The following RGS6 variants were observed in gnomAD, a reference collection of about 807,000 sequenced individuals.
The protein encoded by RGS6 is regulator of G protein signaling 6.
RGS6 carries 30 observed loss-of-function variants against 78.5 expected under a neutral mutation model. The ratio of observed to expected loss-of-function variants is 0.38; its 90% CI spans 0.29 to 0.52. RGS6 has a LOEUF of 0.52. Ranked by LOEUF, RGS6 falls within the 20% of genes least tolerant of loss-of-function variation. The pLI, the probability that RGS6 is intolerant of heterozygous loss-of-function variation, is 0.85. For synonymous variants in RGS6, 206 were observed against 206.0 expected (o/e 1.00, Z 0.00); for missense variants, 495 against 609.7 (o/e 0.81, Z 1.98).
At chr14:72,135,629 CT>C (rs1368076154) in intron 2 of RGS6, among the ~76,000 whole-genome samples, 1 of 150,390 alleles carries the variant, frequency 6.6e-6, no homozygotes, top group African/African-American at 2.4e-5. Context: ...TTTTTTTTTC[CT>C]GCTAAACTTC....
At chr14:72,579,066 T>C in the RGS6 span, among the ~76,000 whole-genome samples, 2 of 152,216 alleles carry the variant, frequency 1.3e-5, no homozygotes, top group African/African-American at 4.8e-5. Context: ...CTACTCCTTC[T>C]ACTCTACTCC....
rs1252850601 is a variant in RGS6, at chr14:72,138,455, T to TG, written c.84+173580_84+173581insG. Among the ~76,000 whole-genome samples, 5 of 149,558 alleles carry TG rather than the reference T, an allele frequency of 3.3e-5. No homozygotes were observed. In the South Asian group the frequency reaches 1.1e-3, roughly 32 times the overall value. On this transcript the variant is annotated intron_variant, in intron 2 of 17. Transcript: ENST00000553525. ...CTGTAGTGCACCTGTACCTGTTTTT[T>TG]TTTTTTTTTTTTTTTTTTTACTTTC...
intron 2 of RGS6, chr14:71,991,023 T>TA: frequency 1.1e-5 from 4 of 358,926 alleles, no homozygotes; most frequent in Admixed American, 3.8e-5. Flanking sequence ...CAATGCCATG[T>TA]AAAAAAAGAT....
intron 17 of RGS6, among the ~76,000 whole-genome samples, chr14:72,559,578 C>A (rs983325039): frequency 6.6e-6 from 1 of 152,146 alleles, no homozygotes; most frequent in South Asian, 2.1e-4. Context: ...TTGGTAAATG[C>A]GCGAAAGCAG....
At chr14:72,509,511 A>G (rs1056413052) in intron 13 of RGS6, among the ~76,000 whole-genome samples, 14 of 152,204 alleles carry the variant, frequency 9.2e-5, no homozygotes, top group African/African-American at 3.1e-4. Flanking sequence ...GAATCATACT[A>G]GTACATTTTT....
chr14:72,068,415 G>A (rs974665018), intron 2 of RGS6, among the ~76,000 whole-genome samples: 1 of 151,756 alleles, frequency 6.6e-6, no homozygotes, highest in African/African-American at 2.4e-5. Flanking sequence ...GATTACAGGC[G>A]TGAGCCACTG....
At chr14:72,115,438 TG>T (rs1305431234) in intron 2 of RGS6, among the ~76,000 whole-genome samples, 4 of 152,108 alleles carry the variant, frequency 2.6e-5, no homozygotes, top group Non-Finnish European at 4.4e-5. Flanking sequence ...AAACCCACAT[TG>T]GTCTCTTGCT....
intron 2 of RGS6, among the ~76,000 whole-genome samples, chr14:72,207,563 C>A (rs1405840817): frequency 6.6e-6 from 1 of 152,186 alleles, no homozygotes; most frequent in African/African-American, 2.4e-5. Flanking sequence ...GATTGCAAGG[C>A]CCCTCACTTT....
chr14:71,892,128 A>G, the RGS6 span, among the ~76,000 whole-genome samples: 1 of 152,248 alleles, frequency 6.6e-6, no homozygotes, highest in East Asian at 1.9e-4. Flanking sequence ...ATGGCACCTA[A>G]TTGCCCTTCT....
At chr14:71,919,125 A>G in the RGS6 span, among the ~76,000 whole-genome samples, 1 of 152,134 alleles carries the variant, frequency 6.6e-6, no homozygotes. Context: ...AACTCCAAAT[A>G]AGGAGTCAAT....
chr14:72,498,298 T>A (rs1002419132), intron 13 of RGS6, among the ~76,000 whole-genome samples: 2 of 152,236 alleles, frequency 1.3e-5, no homozygotes, highest in Non-Finnish European at 2.9e-5. Context: ...TTAGTTTTAT[T>A]CGGGGTTATT....
intron 3 of RGS6, among the ~76,000 whole-genome samples, chr14:72,380,029 G>T (rs1253973311): frequency 6.6e-6 from 1 of 150,910 alleles, no homozygotes; most frequent in African/African-American, 2.4e-5. Context: ...ATAGCCAACT[G>T]ATTTTTGACA....
intron 2 of RGS6, among the ~76,000 whole-genome samples, chr14:72,279,583 A>G (rs1168056611): frequency 1.3e-5 from 2 of 152,206 alleles, no homozygotes; most frequent in Non-Finnish European, 2.9e-5. Context: ...CACAGACTCT[A>G]AGGAGAAATT....
the RGS6 span, among the ~76,000 whole-genome samples, chr14:72,583,737 C>A: frequency 5.3e-5 from 8 of 152,278 alleles, no homozygotes; most frequent in African/African-American, 1.9e-4. Flanking sequence ...TATAAGCTGG[C>A]AGATGTGTTC....
rs776149699 is a variant in RGS6, at chr14:72,540,621, GC to G, written c.1422+528del. 3.6e-5 allele frequency: 52 copies of G among 1,456,412 alleles called. No individual in the cohort carries two copies. The South Asian group carries it at 5.8e-4, about 16-fold the overall frequency. The allele number at this position is 1,456,412 out of a possible 1,614,324, so 90.2% of individuals were successfully genotyped here. ...AAGCGGCCGTGCTGCATGGGTCCTG[GC>G]GATGTGGCCTAGCTGGCGTGTGTGT... On this transcript the variant is annotated intron_variant, in intron 17 of 17. Transcript: ENST00000553525.
intron 2 of RGS6, among the ~76,000 whole-genome samples, chr14:72,006,428 G>A (rs567317907): frequency 6.6e-6 from 1 of 152,180 alleles, no homozygotes; most frequent in Non-Finnish European, 1.5e-5. Flanking sequence ...TTGAAAGACA[G>A]AGGTTTCCGT....
At chr14:72,410,548 G>T (rs561940860) in intron 3 of RGS6, among the ~76,000 whole-genome samples, 17 of 152,270 alleles carry the variant, frequency 1.1e-4, no homozygotes, top group African/African-American at 3.9e-4. Context: ...GGTTTCTTTT[G>T]CTGTGCAGAA....
At chr14:72,103,651 A>G (rs929052171) in intron 2 of RGS6, among the ~76,000 whole-genome samples, 4 of 152,236 alleles carry the variant, frequency 2.6e-5, no homozygotes, top group African/African-American at 9.6e-5. Context: ...AGGAACAAAA[A>G]TCAAATTGTG....
At chr14:72,348,715 G>C (rs2078528717) in intron 2 of RGS6, among the ~76,000 whole-genome samples, 1 of 152,128 alleles carries the variant, frequency 6.6e-6, no homozygotes, top group Non-Finnish European at 1.5e-5. Flanking sequence ...TCTTAGAAAG[G>C]GTGATTCAGA....
Sources: allele counts gnomAD v4.1 joint callset (sites outside exome capture counted in the v4.1 genomes callset), GRCh38; gene constraint gnomAD v4.1.1; transcripts MANE v1.5; gene names NCBI Gene and HGNC (gene_info 2026-07-23, HGNC 2026-07-21).